Variants in ARHGAP6 observed in about 807,000 individuals in gnomAD.
The protein encoded by ARHGAP6 is Rho GTPase activating protein 6, also known as rho GTPase-activating protein 6.
A neutral mutation model predicts 55.7 loss-of-function variants in ARHGAP6; 16 were observed. The observed-to-expected ratio is 0.29, with a 90% CI of 0.19 to 0.44. The LOEUF (loss-of-function observed/expected upper bound fraction) is 0.44, where lower values mean the gene tolerates loss of function less well. Among genes scored for constraint, ARHGAP6 ranks in the 20% least tolerant of loss-of-function variants. The pLI, the probability that ARHGAP6 is intolerant of heterozygous loss-of-function variation, is 1.00. For missense variants in ARHGAP6, 698 were observed against 808.9 expected (o/e 0.86, Z 1.66); for synonymous variants, 382 against 360.9 (o/e 1.06, Z -0.66).
chrX:11,182,510 C>T (rs1269806508), intron 5 of ARHGAP6, among the ~76,000 whole-genome samples: 2 of 111,082 alleles, frequency 1.8e-5, no homozygotes, highest in African/African-American at 3.3e-5. Flanking sequence ...TTAAAGTGTG[C>T]TTCTTAAAGA....
rs1047951887 is a variant in ARHGAP6, at chrX:11,477,717, A to C, written c.588+186524T>G. ...TACACAAGGACATGCATGAATCTCA[A>C]AAATATGTTGAGATAAAGAAGCTAG... On this transcript the variant is annotated intron_variant, in intron 1 of 12. Transcript: ENST00000337414. 4.5e-5 allele frequency among the ~76,000 whole-genome samples: 5 copies of C among 112,056 alleles called. No individual in the cohort carries two copies. The Admixed American group carries it at 4.7e-4, about 11-fold the overall frequency.
Position 11,182,067 on chromosome X carries a change from C to T in ARHGAP6, c.1325G>A (p.Arg442Lys), listed in dbSNP as rs373458914. ...TAATCTTTACTTTTCACTTACTTGT[C>T]TCACTCTCTTTTTTGAGCTTCCAAC... ...FRVGSSKKRV[R>K]QLREEFDRGI... is the part of the protein sequence containing the mutation. The change falls in exon 6 of 13, where the codon AGA becomes AAA. Residue 442 changes from arginine (R) to lysine (K), a missense_variant. Arg to Lys is a conservative substitution (Grantham distance 26). Around this residue, in one of 3 missense-constraint regions of ARHGAP6, gnomAD observed 322 missense variants for 451.1 expected, o/e 0.71. Coordinates refer to ENST00000337414, the MANE Select transcript of ARHGAP6 (RefSeq NM_013427.3). 45 of 1,199,815 alleles carry T rather than the reference C, an allele frequency of 3.8e-5. No homozygotes were observed. The highest frequency in any genetic ancestry group is 4.6e-5 in the Non-Finnish European group (41 of 888,280).
At position 11,522,692 on chromosome X, in the gene ARHGAP6, T is replaced by C. The variant is rs769419995; in HGVS notation, c.588+141549A>G. Among the ~76,000 whole-genome samples the C allele has an allele frequency of 2.4e-3, 264 of 111,302 alleles. 1 individual carries two copies. Among genetic ancestry groups the C allele is most frequent in the Non-Finnish European group, 4.1e-3 (218 of 53,012 alleles). ...CCTCCTAAGACTAATCCATGAGAAGTTGAATCTCTGAATAGACCAATAACA... is the reference window on the plus strand; with the variant it reads ...CCTCCTAAGACTAATCCATGAGAAGCTGAATCTCTGAATAGACCAATAACA... On this transcript the variant is annotated intron_variant, in intron 1 of 12. Transcript: ENST00000337414.
At chrX:11,518,442 C>A (rs1011855182) in intron 1 of ARHGAP6, among the ~76,000 whole-genome samples, 1 of 103,631 alleles carries the variant, frequency 9.6e-6, no homozygotes, top group South Asian at 4.4e-4. Context: ...CTGTGCCTGG[C>A]CCAATTTTCT....
intron 1 of ARHGAP6, among the ~76,000 whole-genome samples, chrX:11,284,919 C>T (rs2047902122): frequency 9.0e-6 from 1 of 111,550 alleles, no homozygotes; most frequent in Admixed American, 9.5e-5. Context: ...AAAATGTACC[C>T]TGAAGGGCAC....
intron 5 of ARHGAP6, among the ~76,000 whole-genome samples, chrX:11,182,628 CT>C (rs1209180175): frequency 1.0e-5 from 1 of 98,895 alleles, no homozygotes; most frequent in African/African-American, 3.8e-5. Flanking sequence ...CTTTTTTTTC[CT>C]TTTTTCTTTT....
At chrX:11,582,778 CTG>C (rs1385074749) in intron 1 of ARHGAP6, among the ~76,000 whole-genome samples, 1 of 110,965 alleles carries the variant, frequency 9.0e-6, no homozygotes, top group Non-Finnish European at 1.9e-5. Flanking sequence ...TTAAATATAA[CTG>C]TGAGGTAATA....
intron 1 of ARHGAP6, among the ~76,000 whole-genome samples, chrX:11,309,731 ATTCAAT>A (rs2048274966): frequency 9.0e-6 from 1 of 111,625 alleles, no homozygotes; most frequent in Admixed American, 9.5e-5. Flanking sequence ...AACTCTTACA[ATTCAAT>A]AATAAAAAGA....
chrX:11,200,976 G>T (rs1470485709), intron 2 of ARHGAP6, among the ~76,000 whole-genome samples: 1 of 112,048 alleles, frequency 8.9e-6, no homozygotes, highest in Non-Finnish European at 1.9e-5. Flanking sequence ...GGGTATGAGG[G>T]ACTCTTCCGG....
At chrX:11,650,665 T>G (rs942007869) in intron 1 of ARHGAP6, among the ~76,000 whole-genome samples, 1 of 112,711 alleles carries the variant, frequency 8.9e-6, no homozygotes, top group African/African-American at 3.2e-5. Flanking sequence ...ACCTAAATAT[T>G]TGATTACTTC....
At chrX:11,434,700 G>A (rs1216313643) in intron 1 of ARHGAP6, among the ~76,000 whole-genome samples, 5 of 111,412 alleles carry the variant, frequency 4.5e-5, no homozygotes. Context: ...GATAATGATA[G>A]GGAGCAGAAC....
chrX:11,358,189 T>C (rs1354638024), intron 1 of ARHGAP6, among the ~76,000 whole-genome samples: 1 of 112,114 alleles, frequency 8.9e-6, no homozygotes, highest in African/African-American at 3.2e-5. Flanking sequence ...TTTTCGAGGT[T>C]TGCATGTGTT....
intron 2 of ARHGAP6, among the ~76,000 whole-genome samples, chrX:11,221,699 C>A (rs1410290122): frequency 8.9e-6 from 1 of 111,808 alleles, no homozygotes; most frequent in Non-Finnish European, 1.9e-5. Context: ...CACATTAAGT[C>A]ACATATCAGT....
chrX:11,235,112 G>A (rs768776531), intron 2 of ARHGAP6, among the ~76,000 whole-genome samples: 3 of 112,769 alleles, frequency 2.7e-5, no homozygotes, highest in Non-Finnish European at 5.6e-5. Flanking sequence ...AGGTTTCCAT[G>A]AGGGCTATGC....
rs759093037 is a variant in ARHGAP6 at position 11,653,929 on chromosome X, G to A, written c.588+10312C>T. The stretch of plus-strand genomic sequence containing the variant: ...GTTGTTCTAAGAACACTAAACTGGC[G>A]TGCATTCTACAAATACTAATTGTTA... On this transcript the variant is annotated intron_variant, in intron 1 of 12. Transcript: ENST00000337414. Among the ~76,000 whole-genome samples, 412 of 109,093 alleles carry A rather than the reference G, an allele frequency of 3.8e-3. 1 individual carries two copies. Among genetic ancestry groups the A allele is most frequent in the Middle Eastern group, 0.014 (3 of 210 alleles). 94.7% of individuals were successfully genotyped at this position (109,093 alleles called of 115,157 possible).
At chrX:11,253,891 G>A (rs1174334961) in intron 2 of ARHGAP6, among the ~76,000 whole-genome samples, 2 of 103,991 alleles carry the variant, frequency 1.9e-5, no homozygotes, top group Non-Finnish European at 3.9e-5. Flanking sequence ...GCAACAGAGC[G>A]AGACTCCATC....
intron 9 of ARHGAP6, among the ~76,000 whole-genome samples, chrX:11,158,246 A>G (rs770454922): frequency 4.5e-5 from 5 of 111,982 alleles, no homozygotes; most frequent in African/African-American, 1.3e-4. Context: ...ATGTGACTCC[A>G]TCAGAGGCAA....
At chrX:11,152,500 T>C (rs1411169031) in intron 10 of ARHGAP6, among the ~76,000 whole-genome samples, 1 of 111,863 alleles carries the variant, frequency 8.9e-6, no homozygotes, top group Non-Finnish European at 1.9e-5. Flanking sequence ...AGCCTCTTTA[T>C]TGTGACCCCA....
intron 1 of ARHGAP6, among the ~76,000 whole-genome samples, chrX:11,609,215 G>T (rs1288526995): frequency 3.6e-5 from 4 of 111,720 alleles, no homozygotes; most frequent in Non-Finnish European, 7.5e-5. Flanking sequence ...GAGAAGTATG[G>T]GGATGCAGGG....
Sources: allele counts gnomAD v4.1 joint callset (sites outside exome capture counted in the v4.1 genomes callset), GRCh38; gene constraint gnomAD v4.1.1; regional missense constraint gnomAD v4.1.1; transcripts MANE v1.5; gene names NCBI Gene and HGNC (gene_info 2026-07-23, HGNC 2026-07-21).